RIMS1: variants seen among roughly 807,000 people sequenced by gnomAD.
RIMS1 encodes the protein regulating synaptic membrane exocytosis 1.
In RIMS1, 83 loss-of-function variants were observed where a neutral mutation model predicts 214.1. The ratio of observed to expected loss-of-function variants is 0.39; its 90% confidence interval spans 0.32 to 0.47. The LOEUF (loss-of-function observed/expected upper bound fraction) is 0.47. RIMS1 is among the 20% of genes least tolerant of loss of function. The probability of loss-of-function intolerance (pLI) is 0.99; values close to 1 mark genes in which losing one functional copy is unlikely to be tolerated. For missense variants in RIMS1, 2,050 were observed against 2,161.8 expected (o/e 0.95, Z 1.03); for synonymous variants, 793 against 786.8 (o/e 1.01, Z -0.13).
At chr6:71,924,736 G>A (rs183077825) in intron 1 of RIMS1, among the ~76,000 whole-genome samples, 20 of 147,766 alleles carry the variant, frequency 1.4e-4, no homozygotes, top group Middle Eastern at 3.5e-3. Flanking sequence ...TAGCCCAGGA[G>A]GAGGAGGTTG....
intron 23 of RIMS1, among the ~76,000 whole-genome samples, chr6:72,280,833 T>C (rs1007902863): frequency 6.6e-6 from 1 of 152,010 alleles, no homozygotes; most frequent in South Asian, 2.1e-4. Flanking sequence ...AGCAATATTT[T>C]CATAGCACCA....
At chr6:71,934,123 C>T (rs1226734631) in intron 1 of RIMS1, among the ~76,000 whole-genome samples, 1 of 152,154 alleles carries the variant, frequency 6.6e-6, no homozygotes, top group Non-Finnish European at 1.5e-5. Flanking sequence ...GGGTGAGCAT[C>T]AGTGTGTGCT....
intron 6 of RIMS1, among the ~76,000 whole-genome samples, chr6:72,191,092 A>G (rs1310551049): frequency 6.6e-6 from 1 of 152,228 alleles, no homozygotes; most frequent in Non-Finnish European, 1.5e-5. Flanking sequence ...ACCAAGTGAC[A>G]GAGCAGCTTG....
intron 28 of RIMS1, among the ~76,000 whole-genome samples, chr6:72,327,875 C>G (rs1174401042): frequency 1.3e-5 from 2 of 151,778 alleles, no homozygotes; most frequent in Non-Finnish European, 2.9e-5. Context: ...ATTAGAAGTT[C>G]AGTTTCTTTC....
intron 4 of RIMS1, among the ~76,000 whole-genome samples, chr6:72,127,482 A>G (rs545182512): frequency 2.0e-3 from 312 of 152,310 alleles, no homozygotes; most frequent in African/African-American, 7.3e-3. Flanking sequence ...TGAGGCCAGC[A>G]AGGAATTCAG....
intron 29 of RIMS1, among the ~76,000 whole-genome samples, chr6:72,387,680 C>T (rs1026615810): frequency 3.3e-5 from 5 of 152,174 alleles, no homozygotes; most frequent in South Asian, 2.1e-4. Context: ...GAAGAGAATT[C>T]TTGAGCCATA....
chr6:72,148,558 A>G, intron 4 of RIMS1: 1 of 456,586 alleles, frequency 2.2e-6, no homozygotes, highest in Non-Finnish European at 4.4e-6. Flanking sequence ...TGCTGTCAGT[A>G]ACCTTGAGTT....
intron 4 of RIMS1, among the ~76,000 whole-genome samples, chr6:72,134,514 T>G (rs997324832): frequency 6.6e-6 from 1 of 152,062 alleles, no homozygotes; most frequent in African/African-American, 2.4e-5. Context: ...CTTAGAAGTG[T>G]AAAAGAATTA....
At chr6:72,308,747 TAA>T (rs989125811) in intron 27 of RIMS1, among the ~76,000 whole-genome samples, 6 of 152,132 alleles carry the variant, frequency 3.9e-5, no homozygotes, top group Admixed American at 3.3e-4. Context: ...CTCAACTCCC[TAA>T]GAGTCTTACC....
chr6:72,237,469 G>A (rs567620012), intron 8 of RIMS1, among the ~76,000 whole-genome samples: 2 of 152,216 alleles, frequency 1.3e-5, no homozygotes, highest in African/African-American at 4.8e-5. Context: ...GAGCCCGGGA[G>A]TTCAAGATCA....
chr6:72,262,285 CTAA>C, intron 19 of RIMS1: 1 of 871,032 alleles, frequency 1.1e-6, no homozygotes, highest in Non-Finnish European at 1.4e-6. Context: ...TGGTGCTTTG[CTAA>C]TAATTCTGAG....
rs147293046 is a variant in RIMS1 at position 72,021,916 on chromosome 6, C to T, written c.245+52853C>T. On this transcript the variant is annotated intron_variant, in intron 2 of 33. Transcript: ENST00000521978. ...AGAAGTTGTACATAGTACATTGGCA[C>T]GTATCCCATTGACTAAAAAGTGGCC... 1.6e-3 allele frequency among the ~76,000 whole-genome samples: 251 copies of T among 152,240 alleles called. 7 individuals are homozygous for T. In the East Asian group the frequency reaches 0.041, roughly 25 times the overall value.
At chr6:72,098,289 C>CT (rs58934201) in intron 3 of RIMS1, among the ~76,000 whole-genome samples, 4,970 of 143,336 alleles carry the variant, frequency 0.035, 123 homozygotes, top group African/African-American at 0.069. Context: ...ATCAATATAT[C>CT]TTTTTTTTTT....
chr6:72,021,387 A>G (rs1814634636), intron 2 of RIMS1, among the ~76,000 whole-genome samples: 1 of 152,218 alleles, frequency 6.6e-6, no homozygotes, highest in Non-Finnish European at 1.5e-5. Flanking sequence ...TGCCAGTGAT[A>G]TACTCAATTT....
intron 6 of RIMS1, among the ~76,000 whole-genome samples, chr6:72,205,059 T>G (rs886856252): frequency 6.6e-6 from 1 of 152,150 alleles, no homozygotes; most frequent in Non-Finnish European, 1.5e-5. Context: ...CTTCTCCTAA[T>G]TACAGAGAAG....
intron 29 of RIMS1, among the ~76,000 whole-genome samples, chr6:72,342,399 A>T (rs1226652211): frequency 2.6e-5 from 4 of 151,786 alleles, no homozygotes; most frequent in African/African-American, 9.7e-5. Context: ...ACAATGGGTT[A>T]GAGTGAGGCT....
At chr6:72,078,489 C>G (rs1239735072) in intron 2 of RIMS1, among the ~76,000 whole-genome samples, 1 of 152,026 alleles carries the variant, frequency 6.6e-6, no homozygotes, top group Non-Finnish European at 1.5e-5. Flanking sequence ...GTTATATTGG[C>G]AAGGATACTT....
At chr6:72,236,805 A>G (rs949486083) in intron 8 of RIMS1, among the ~76,000 whole-genome samples, 6 of 150,188 alleles carry the variant, frequency 4.0e-5, no homozygotes, top group East Asian at 3.9e-4. Context: ...AAAAAAAGCA[A>G]TGTTTTAAGG....
chr6:72,332,295 G>A (rs1367239243), intron 28 of RIMS1, among the ~76,000 whole-genome samples: 2 of 151,762 alleles, frequency 1.3e-5, no homozygotes, highest in African/African-American at 2.4e-5. Flanking sequence ...ATAAAATTAA[G>A]AGGGTCATTT....
Sources: gnomAD v4.1 joint callset for allele counts (sites outside exome capture counted in the v4.1 genomes callset) on GRCh38, gnomAD v4.1.1 for gene constraint, MANE v1.5 for transcripts, NCBI Gene and HGNC (gene_info 2026-07-23, HGNC 2026-07-21) for gene names.